The following SMARCC1 variants were observed in gnomAD, a reference collection of about 807,000 sequenced individuals.
SMARCC1 encodes SWI/SNF complex subunit SMARCC1.
In SMARCC1, 43 loss-of-function variants were observed where a neutral mutation model predicts 147.4. The ratio of observed to expected loss-of-function variants is 0.29; its 90% CI spans 0.23 to 0.38. SMARCC1 has a LOEUF of 0.38. Among genes scored for constraint, SMARCC1 ranks in the 10% least tolerant of loss-of-function variants. The probability of loss-of-function intolerance (pLI) is 1.00; values close to 1 mark genes in which losing one functional copy is unlikely to be tolerated. For synonymous variants in SMARCC1, 495 were observed against 484.4 expected (o/e 1.02, Z -0.29); for missense variants, 1,119 against 1,381.1 (o/e 0.81, Z 3.01).
At chr3:47,776,857 C>T (rs987050414) in intron 1 of SMARCC1, among the ~76,000 whole-genome samples, 1 of 151,914 alleles carries the variant, frequency 6.6e-6, no homozygotes, top group Non-Finnish European at 1.5e-5. Flanking sequence ...TCAGCACAAC[C>T]TCCGCCTCCC....
At chr3:47,725,980 T>G (rs575332233) in intron 6 of SMARCC1, among the ~76,000 whole-genome samples, 2 of 143,618 alleles carry the variant, frequency 1.4e-5, no homozygotes, top group Admixed American at 7.5e-5. Context: ...GAGAATCGCT[T>G]GAACCTGGGA....
chr3:47,763,453 T>C (rs1305729646), intron 2 of SMARCC1, among the ~76,000 whole-genome samples: 1 of 151,882 alleles, frequency 6.6e-6, no homozygotes, highest in Non-Finnish European at 1.5e-5. Context: ...TTCAGTGAGT[T>C]CTGACAACTG....
intron 2 of SMARCC1, among the ~76,000 whole-genome samples, chr3:47,761,034 A>G (rs1160142069): frequency 1.3e-5 from 2 of 151,998 alleles, no homozygotes; most frequent in Non-Finnish European, 2.9e-5. Flanking sequence ...TTGGGAGGCT[A>G]AGACAGGAGA....
intron 11 of SMARCC1, among the ~76,000 whole-genome samples, chr3:47,696,201 T>A (rs1286511506): frequency 1.3e-5 from 2 of 149,914 alleles, no homozygotes; most frequent in Non-Finnish European, 3.0e-5. Context: ...CAAAACCCCA[T>A]CTCTACTAAA....
intron 11 of SMARCC1, among the ~76,000 whole-genome samples, chr3:47,696,798 C>G (rs1161903982): frequency 1.3e-5 from 2 of 152,166 alleles, no homozygotes; most frequent in Non-Finnish European, 2.9e-5. Context: ...GGTGGGATTA[C>G]AGGCATGAGC....
intron 26 of SMARCC1, among the ~76,000 whole-genome samples, chr3:47,605,354 A>C (rs1172022775): frequency 1.3e-5 from 2 of 152,244 alleles, no homozygotes; most frequent in Admixed American, 1.3e-4. Flanking sequence ...AATCAGTCAA[A>C]TGTCCAACAG....
At chr3:47,779,384 T>C (rs1325469688) in intron 1 of SMARCC1, among the ~76,000 whole-genome samples, 2 of 152,222 alleles carry the variant, frequency 1.3e-5, no homozygotes, top group Non-Finnish European at 2.9e-5. Flanking sequence ...AGAAATGCAC[T>C]GTGTAGAAAA....
At chr3:47,742,358 C>G (rs934990146) in intron 3 of SMARCC1, among the ~76,000 whole-genome samples, 3 of 151,926 alleles carry the variant, frequency 2.0e-5, no homozygotes, top group African/African-American at 7.2e-5. Context: ...TGGGCACTAA[C>G]AGTCAACTCT....
chr3:47,689,575 A>C, intron 12 of SMARCC1, 151 bp from the exon 13 acceptor site: 1 of 665,158 alleles, frequency 1.5e-6, no homozygotes. Context: ...TAATTCACTA[A>C]ATTAGAATTC....
At chr3:47,679,624 G>A (rs2033616593) in intron 15 of SMARCC1, among the ~76,000 whole-genome samples, 2 of 152,172 alleles carry the variant, frequency 1.3e-5, no homozygotes, top group South Asian at 4.1e-4. Context: ...CACTTTGAGA[G>A]GCCGAGGCAA....
chr3:47,628,845 TTTTAAACACAGAAATCCCAC>T (rs2032848409), intron 24 of SMARCC1, among the ~76,000 whole-genome samples: 1 of 152,148 alleles, frequency 6.6e-6, no homozygotes, highest in Non-Finnish European at 1.5e-5. Flanking sequence ...GGGGATTACA[TTTTAAACACAGAAATCCCAC>T]AAAGTTCTCA....
intron 25 of SMARCC1, among the ~76,000 whole-genome samples, chr3:47,614,967 T>A (rs781217778): frequency 3.3e-5 from 5 of 152,166 alleles, no homozygotes; most frequent in Non-Finnish European, 7.4e-5. Flanking sequence ...CCTACTCCCT[T>A]GTCTCTGAAC....
intron 2 of SMARCC1, among the ~76,000 whole-genome samples, chr3:47,757,796 A>AAAAG (rs894294023): frequency 2.0e-5 from 3 of 151,434 alleles, no homozygotes; most frequent in African/African-American, 7.3e-5. Context: ...AAAAAAAAAA[A>AAAAG]AAAGAAAGAA....
intron 2 of SMARCC1, among the ~76,000 whole-genome samples, chr3:47,767,749 T>C (rs1441831025): frequency 2.0e-5 from 3 of 150,980 alleles, no homozygotes; most frequent in Middle Eastern, 3.2e-3. Context: ...GCGCCTGTAA[T>C]CCCAGGTCCT....
chr3:47,675,774 G>A (rs528554659), intron 17 of SMARCC1, among the ~76,000 whole-genome samples, 186 bp from the exon 18 acceptor site: 8 of 151,896 alleles, frequency 5.3e-5, no homozygotes, highest in Non-Finnish European at 7.4e-5. Flanking sequence ...GGTGAAACCC[G>A]TCTCTACTAA....
intron 1 of SMARCC1, among the ~76,000 whole-genome samples, chr3:47,778,217 C>CAAAAA (rs1340083473): frequency 4.7e-5 from 6 of 127,932 alleles, no homozygotes; most frequent in African/African-American, 6.3e-5. Flanking sequence ...AAACAAAAAA[C>CAAAAA]AAAAAAAACA....
chr3:47,722,293 A>ATTTTT lies in SMARCC1; in HGVS notation c.647-1563_647-1559dup, dbSNP rs34260316. Among the ~76,000 whole-genome samples, 118 of 107,058 alleles carry ATTTTT rather than the reference A, an allele frequency of 1.1e-3. 1 individual carries two copies. Among genetic ancestry groups the ATTTTT allele is most frequent in the Non-Finnish European group, 1.6e-3 (91 of 55,564 alleles). The allele number at this position is 107,058 out of a possible 152,430, so 70.2% of individuals were successfully genotyped here. A position where few individuals can be genotyped will look rare whatever the true frequency, so the allele number is the denominator to read the frequency against. ...CAGCTGACTTTTGATACAAATTTTG[A>ATTTTT]TTTTTTTTTTTTTTTTTTTTTGAGA... On this transcript the variant is annotated intron_variant, in intron 6 of 27. Transcript: ENST00000254480.
At chr3:47,607,852 G>A (rs1386974217) in intron 26 of SMARCC1, among the ~76,000 whole-genome samples, 1 of 152,084 alleles carries the variant, frequency 6.6e-6, no homozygotes, top group Non-Finnish European at 1.5e-5. Flanking sequence ...GGTCCAGTCT[G>A]GGCAACTCAG....
At chr3:47,709,597 G>C (rs546225782) in intron 9 of SMARCC1, among the ~76,000 whole-genome samples, 8 of 151,888 alleles carry the variant, frequency 5.3e-5, no homozygotes, top group African/African-American at 1.9e-4. Flanking sequence ...GAGGCAGGAG[G>C]ATAGCTTGAA....
Sources: gnomAD v4.1 joint callset for allele counts (sites outside exome capture counted in the v4.1 genomes callset) on GRCh38, gnomAD v4.1.1 for gene constraint, MANE v1.5 for transcripts, NCBI Gene and HGNC (gene_info 2026-07-23, HGNC 2026-07-21) for gene names.